SLC44A1: variants seen among roughly 807,000 people sequenced by gnomAD.
SLC44A1 encodes choline transporter-like protein 1.
A neutral mutation model predicts 79.3 loss-of-function variants in SLC44A1; 26 were observed. That is an observed-to-expected ratio of 0.33 (90% CI 0.24 to 0.46). SLC44A1 has a LOEUF of 0.46. SLC44A1 is among the 20% of genes least tolerant of loss of function. The probability of loss-of-function intolerance (pLI) is 1.00; values close to 1 mark genes in which losing one functional copy is unlikely to be tolerated. For synonymous variants in SLC44A1, 263 were observed against 286.2 expected (o/e 0.92, Z 0.82); for missense variants, 688 against 798.1 (o/e 0.86, Z 1.66).
intron 15 of SLC44A1, among the ~76,000 whole-genome samples, chr9:105,437,553 G>C (rs900922255): frequency 1.3e-5 from 2 of 151,904 alleles, no homozygotes; most frequent in Non-Finnish European, 2.9e-5. Flanking sequence ...TGAGAATAAT[G>C]TATATACGTC....
chr9:105,297,663 T>C (rs1830761892), intron 1 of SLC44A1, among the ~76,000 whole-genome samples: 1 of 152,202 alleles, frequency 6.6e-6, no homozygotes, highest in South Asian at 2.1e-4. Flanking sequence ...ATTACAGGCA[T>C]GAGCCACCAT....
chr9:105,302,109 A>G (rs1033047937), intron 2 of SLC44A1, among the ~76,000 whole-genome samples: 2 of 152,126 alleles, frequency 1.3e-5, no homozygotes, highest in African/African-American at 4.8e-5. Flanking sequence ...TGAGTTGTCT[A>G]GAACTTAGAG....
intron 1 of SLC44A1, among the ~76,000 whole-genome samples, chr9:105,278,087 G>T (rs1426935065): frequency 6.6e-6 from 1 of 151,394 alleles, no homozygotes; most frequent in Non-Finnish European, 1.5e-5. Context: ...TTTAAGACAG[G>T]GTCTCACTCT....
At chr9:105,345,312 T>C (rs1827215684) in intron 4 of SLC44A1, among the ~76,000 whole-genome samples, 1 of 152,194 alleles carries the variant, frequency 6.6e-6, no homozygotes, top group Non-Finnish European at 1.5e-5. Flanking sequence ...AAATGTAGGA[T>C]AACTTGTATG....
At chr9:105,375,752 C>A (rs1328158948) in intron 13 of SLC44A1, among the ~76,000 whole-genome samples, 2 of 152,128 alleles carry the variant, frequency 1.3e-5, no homozygotes, top group African/African-American at 4.8e-5. Context: ...TATTAAAATA[C>A]TGCAAAATAT....
At position 105,370,427 on chromosome 9, in the gene SLC44A1, C is replaced by G. The variant is rs182774892; in HGVS notation, c.1494+3998C>G. ...TTGCATAGATCCATAGAAATATTGC[C>G]TTTTAAAAGGCTAAATTTCTGGACA... On this transcript the variant is annotated intron_variant, in intron 12 of 15. Coordinates refer to ENST00000374720, the MANE Select transcript of SLC44A1 (RefSeq NM_080546.5). Among the ~76,000 whole-genome samples the G allele has an allele frequency of 7.2e-5, 11 of 152,238 alleles. No individual in the cohort carries two copies. In the East Asian group the frequency reaches 2.1e-3, roughly 29 times the overall value.
chr9:105,353,886 A>C (rs1827529770), intron 5 of SLC44A1, among the ~76,000 whole-genome samples: 2 of 152,038 alleles, frequency 1.3e-5, no homozygotes, highest in South Asian at 4.1e-4. Flanking sequence ...TTATTTTAAA[A>C]ATATGGTTAG....
intron 15 of SLC44A1, among the ~76,000 whole-genome samples, chr9:105,403,945 G>T (rs1338877920): frequency 6.6e-6 from 1 of 151,866 alleles, no homozygotes; most frequent in African/African-American, 2.4e-5. Flanking sequence ...CTTGCTGAAA[G>T]ATTTTAACCA....
intron 11 of SLC44A1, 146 bp downstream of exon 11, chr9:105,365,785 C>A: frequency 1.3e-6 from 1 of 782,270 alleles, no homozygotes; most frequent in Non-Finnish European, 2.1e-6. Context: ...TCTCCCTTGT[C>A]TCCCACTCAT....
At chr9:105,322,619 A>G (rs1443422493) in intron 3 of SLC44A1, among the ~76,000 whole-genome samples, 1 of 152,226 alleles carries the variant, frequency 6.6e-6, no homozygotes, top group Non-Finnish European at 1.5e-5. Context: ...CTACCTGGAC[A>G]TAGGTTAAGA....
At chr9:105,373,060 T>C (rs1023001578) in intron 12 of SLC44A1, among the ~76,000 whole-genome samples, 1 of 152,192 alleles carries the variant, frequency 6.6e-6, no homozygotes, top group Non-Finnish European at 1.5e-5. Flanking sequence ...TAATGGCAAG[T>C]TAAATTTTTG....
chr9:105,427,060 G>A (rs961038132), intron 15 of SLC44A1, among the ~76,000 whole-genome samples: 9 of 151,832 alleles, frequency 5.9e-5, no homozygotes, highest in African/African-American at 2.2e-4. Flanking sequence ...CTCAGCCTCT[G>A]GAGTAGCTGG....
chr9:105,273,695 T>C (rs1830130366), intron 1 of SLC44A1, among the ~76,000 whole-genome samples: 1 of 152,112 alleles, frequency 6.6e-6, no homozygotes, highest in African/African-American at 2.4e-5. Flanking sequence ...TTTTTTTACC[T>C]GCAGTCACAG....
At chr9:105,421,450 C>G (rs1829247505) in intron 15 of SLC44A1, among the ~76,000 whole-genome samples, 1 of 152,154 alleles carries the variant, frequency 6.6e-6, no homozygotes, top group Admixed American at 6.5e-5. Flanking sequence ...AGTTATTCAA[C>G]TAAGCATTAG....
chr9:105,394,998 G>C lies in SLC44A1; in HGVS notation c.*5942G>C. The C allele has an allele frequency of 3.0e-6, 3 of 985,386 alleles. No homozygotes were observed. Among genetic ancestry groups the C allele is most frequent in the Non-Finnish European group, 3.6e-6 (3 of 829,954 alleles). The allele number at this position is 985,386 out of a possible 1,614,324, so 61.0% of individuals were successfully genotyped here. ...TAAGGGTGCTGCATCTACATGGAAG[G>C]CTCCCTGGGCCCTTGAAAAAGCAGG... is the stretch of plus-strand genomic sequence containing the variant. On this transcript the variant is annotated 3_prime_UTR_variant, in exon 16 of 16. Coordinates refer to ENST00000374720, the MANE Select transcript of SLC44A1 (RefSeq NM_080546.5).
In SLC44A1 at chr9:105,390,585, G is replaced by A. The variant is rs1219592349; in HGVS notation, c.*1529G>A. 1.0e-6 allele frequency: 1 copy of A among 985,716 alleles called. No homozygotes were observed. The highest frequency in any genetic ancestry group is 1.2e-6 in the Non-Finnish European group (1 of 829,932). 61.1% of individuals were successfully genotyped at this position (985,716 alleles called of 1,614,324 possible). A position where few individuals can be genotyped will look rare whatever the true frequency, so the allele number is the denominator to read the frequency against. ...TAATGTCACTAGGGCTTAATAAGCA[G>A]CCGTTTGCTAATGTGCTTCCTTTCA... On this transcript the variant is annotated 3_prime_UTR_variant, in exon 16 of 16. Transcript: ENST00000374720.
At chr9:105,333,197 T>G (rs1047142584) in intron 3 of SLC44A1, among the ~76,000 whole-genome samples, 1 of 152,224 alleles carries the variant, frequency 6.6e-6, no homozygotes, top group African/African-American at 2.4e-5. Context: ...CAAGAGGTTG[T>G]CATTGATCCA....
intron 15 of SLC44A1, among the ~76,000 whole-genome samples, chr9:105,429,517 G>C (rs1829365591): frequency 6.6e-6 from 1 of 152,162 alleles, no homozygotes; most frequent in African/African-American, 2.4e-5. Flanking sequence ...TGTGCAGGCT[G>C]CTCTCAAACT....
At chr9:105,309,153 C>T (rs936804425) in intron 2 of SLC44A1, among the ~76,000 whole-genome samples, 5 of 152,038 alleles carry the variant, frequency 3.3e-5, no homozygotes, top group African/African-American at 1.2e-4. Context: ...ATTGGGTGCA[C>T]TGAAGTGATA....
Sources: allele counts gnomAD v4.1 joint callset (sites outside exome capture counted in the v4.1 genomes callset), GRCh38; gene constraint gnomAD v4.1.1; transcripts MANE v1.5; gene names NCBI Gene and HGNC (gene_info 2026-07-23, HGNC 2026-07-21).